Variants in DNM2 observed in about 807,000 individuals in gnomAD.
DNM2 encodes dynamin-2.
DNM2 carries 15 observed loss-of-function variants against 99.0 expected under a neutral mutation model. The ratio of observed to expected loss-of-function variants is 0.15; its 90% CI spans 0.10 to 0.23. DNM2 has a LOEUF of 0.23. DNM2 is among the 10% of genes least tolerant of loss of function. The pLI is 1.00. For missense variants in DNM2, 742 were observed against 1,189.4 expected, an observed-to-expected ratio of 0.62 and a Z score of 5.53; for synonymous variants, 525 against 481.2, an observed-to-expected ratio of 1.09 and a Z score of -1.19.
At chr19:10,827,405 T>C (rs146456743) in intron 18 of DNM2, among the ~76,000 whole-genome samples, 140 of 152,078 alleles carry the variant, frequency 9.2e-4, no homozygotes, top group African/African-American at 3.3e-3. Context: ...TAGACTCTTA[T>C]AAAATAAAAA....
intron 6 of DNM2, 163 bp from the exon 7 acceptor site, chr19:10,786,401 G>A (rs556822396): frequency 1.7e-6 from 2 of 1,147,038 alleles, no homozygotes; most frequent in African/African-American, 1.5e-5. Flanking sequence ...AGACATGAGT[G>A]TGTCTGTGGC....
rs2072876013 is a variant in DNM2 at position 10,818,988 on chromosome 19, TGGGACTCCAGGGTGCCACCCCCA to T, written c.1672-990_1672-968del. 6.6e-6 allele frequency among the ~76,000 whole-genome samples: 1 copy of T among 152,016 alleles called. No homozygotes were observed. The highest frequency in any genetic ancestry group is 1.5e-5 in the Non-Finnish European group (1 of 67,974). On this transcript the variant is annotated intron_variant, in intron 15 of 20. Transcript: ENST00000389253. The surrounding 1 kb of genome is among the most constrained non-coding windows in gnomAD (Gnocchi z 4.3). ...GGGCACACACATCACTGGGTGAGTG[TGGGACTCCAGGGTGCCACCCCCA>T]GCTCCGTGACTCGCCAGCCCCTTGC...
intron 1 of DNM2, among the ~76,000 whole-genome samples, chr19:10,718,868 C>T (rs1029009614): frequency 1.3e-5 from 2 of 152,168 alleles, no homozygotes; most frequent in South Asian, 2.1e-4. Context: ...GTCTCTCTGT[C>T]CTGGGCAAGC....
At chr19:10,786,467 C>A (rs2071562269) in intron 6 of DNM2, 97 bp from the exon 7 acceptor site, 2 of 1,587,500 alleles carry the variant, frequency 1.3e-6, no homozygotes, top group South Asian at 2.2e-5. Context: ...CGCATAGTGG[C>A]ACCCTGGTGT....
rs1599643152 is a variant in DNM2, at chr19:10,830,906, A to G, written c.2544-72A>G. On this transcript the variant is annotated intron_variant, in intron 20 of 20. Transcript: ENST00000389253. The surrounding 1 kb of genome is among the most constrained non-coding windows in gnomAD (Gnocchi z 4.8). ...TGTGTGGGTGGGGGCTGGGTCCTCA[A>G]CCCAGGCCTGCCTCTTGCTCCCGGC... 6.5e-7 allele frequency: 1 copy of G among 1,532,246 alleles called. No individual in the cohort carries two copies. Among genetic ancestry groups the G allele is most frequent in the Non-Finnish European group, 8.8e-7 (1 of 1,133,772 alleles). The allele number at this position is 1,532,246 out of a possible 1,614,324, so 94.9% of individuals were successfully genotyped here. A position where few individuals can be genotyped will look rare whatever the true frequency, so the allele number is the denominator to read the frequency against.
At chr19:10,745,327 G>T (rs2069926056) in intron 1 of DNM2, among the ~76,000 whole-genome samples, 1 of 152,170 alleles carries the variant, frequency 6.6e-6, no homozygotes, top group Non-Finnish European at 1.5e-5. Context: ...CTGCCCTCAG[G>T]GAGTCGGCTG....
rs537744704 is a variant in DNM2, at chr19:10,750,994, C to T, written c.162-8744C>T. On this transcript the variant is annotated intron_variant, in intron 1 of 20. Coordinates refer to ENST00000389253, the MANE Select transcript of DNM2 (RefSeq NM_001005361.3). ...GGGGATGGAATGTTGGAGGATCCCA[C>T]CTTGGGGAGCTGTGTGTGAGCTCCC... 1.9e-4 allele frequency among the ~76,000 whole-genome samples: 29 copies of T among 151,814 alleles called. No homozygotes were observed. In the South Asian group the frequency reaches 5.8e-3, roughly 30 times the overall value.
At chr19:10,762,474 CACT>C (rs1399306516) in intron 2 of DNM2, among the ~76,000 whole-genome samples, 1 of 152,136 alleles carries the variant, frequency 6.6e-6, no homozygotes, top group Non-Finnish European at 1.5e-5. Context: ...GAGGGACCAC[CACT>C]GTGTTTCCTG....
At chr19:10,742,913 CTTTTTTTTTT>C (rs61431112) in intron 1 of DNM2, among the ~76,000 whole-genome samples, 2 of 133,792 alleles carry the variant, frequency 1.5e-5, no homozygotes, top group East Asian at 4.5e-4. Context: ...GTTTTTCTTT[CTTTTTTTTTT>C]TTTTTTTTGA....
Position 10,780,323 on chromosome 19 carries a change from C to G in DNM2, c.689-2637C>G, listed in dbSNP as rs183520745. On this transcript the variant is annotated intron_variant, in intron 5 of 20. Coordinates refer to ENST00000389253, the MANE Select transcript of DNM2 (RefSeq NM_001005361.3). ...AAGCAGACCCTACCCAACCCCACGCCCTACTACAGCCACCCCGACCCGGCT... is the reference window on the plus strand; with the variant it reads ...AAGCAGACCCTACCCAACCCCACGCGCTACTACAGCCACCCCGACCCGGCT... 526 of 152,990 alleles carry G rather than the reference C, an allele frequency of 3.4e-3. 1 individual carries two copies. The highest frequency in any genetic ancestry group is 5.8e-3 in the Middle Eastern group (4 of 692). The allele number at this position is 152,990 out of a possible 1,614,324, so 9.5% of individuals were successfully genotyped here.
intron 1 of DNM2, among the ~76,000 whole-genome samples, chr19:10,742,704 A>G (rs2069799616): frequency 6.6e-6 from 1 of 152,092 alleles, no homozygotes; most frequent in Non-Finnish European, 1.5e-5. Context: ...TGCCTGGCAG[A>G]TGGAGATTAG....
In DNM2 at chr19:10,793,721, A is replaced by G. The variant is rs769556504; in HGVS notation, c.994A>G (p.Met332Val). Residue 332 changes from methionine (M) to valine (V), a missense_variant and splice_region_variant, in exon 8 of 21, where the codon ATG becomes GTG. Around this residue, in one of 7 missense-constraint regions of DNM2, gnomAD observed 14 missense variants for 31.7 expected, o/e 0.44. Coordinates refer to ENST00000389253, the MANE Select transcript of DNM2 (RefSeq NM_001005361.3). ...PTRKTKALLQ[M>V]VQQFGVDFEK... ...CTTGCTTTTTCCTTTTCCTCATAGG[A>G]TGGTCCAGCAGTTTGGGGTGGATTT... 6.2e-6 allele frequency: 10 copies of G among 1,614,120 alleles called. No homozygotes were observed. In the South Asian group the frequency reaches 1.1e-4, roughly 18 times the overall value.
chr19:10,825,446 G>A (rs994673796), intron 18 of DNM2, among the ~76,000 whole-genome samples: 6 of 152,116 alleles, frequency 3.9e-5, no homozygotes, highest in African/African-American at 7.2e-5. Context: ...CAAGGCGGGC[G>A]GATCACGAGC....
chr19:10,743,809 CAAAAAAAA>C (rs35999203), intron 1 of DNM2, among the ~76,000 whole-genome samples: 25 of 32,652 alleles, frequency 7.7e-4, no homozygotes, highest in East Asian at 2.4e-3. Flanking sequence ...GACTCTGTCT[CAAAAAAAA>C]AAAAAAAAAA....
In DNM2 at chr19:10,811,086, A is replaced by T. The variant is rs2072526194; in HGVS notation, c.1558-1178A>T. ...TGTCTGCTCATCCCAGGGAGGGATA[A>T]GTCTGTACCCTTGGCCTTAACAAGG... On this transcript the variant is annotated intron_variant, in intron 14 of 20. Coordinates refer to ENST00000389253, the MANE Select transcript of DNM2 (RefSeq NM_001005361.3). This position sits in a 1 kb window ranked among gnomAD's most constrained non-coding sequence, Gnocchi z 5.4. The T allele has an allele frequency of 6.5e-6, 1 of 153,158 alleles. No homozygotes were observed. The highest frequency in any genetic ancestry group is 6.5e-5 in the Admixed American group (1 of 15,344). 9.5% of individuals were successfully genotyped at this position (153,158 alleles called of 1,614,324 possible).
In DNM2 at chr19:10,808,641, C is replaced by T. The variant is rs943774625; in HGVS notation, c.1557+61C>T. On this transcript the variant is annotated intron_variant, in intron 14 of 20. Transcript: ENST00000389253. ...GAATCTAGTGGTGATGGAGACCCCGCCCACCCCTAATATTCCCTGTTCCCC... is the reference window on the plus strand; with the variant it reads ...GAATCTAGTGGTGATGGAGACCCCGTCCACCCCTAATATTCCCTGTTCCCC... 9.7e-5 allele frequency: 151 copies of T among 1,560,136 alleles called. 2 individuals carry two copies. The highest frequency in any genetic ancestry group is 8.4e-4 in the Middle Eastern group (5 of 5,968).
intron 18 of DNM2, 23 bp from the exon 19 acceptor site, chr19:10,829,013 C>CCCT: frequency 6.2e-7 from 1 of 1,607,326 alleles, no homozygotes; most frequent in Non-Finnish European, 8.5e-7. Flanking sequence ...ACAAGCCTGA[C>CCCT]CCTCCCCAAC....
intron 1 of DNM2, among the ~76,000 whole-genome samples, chr19:10,747,018 T>C (rs939400634): frequency 3.3e-5 from 5 of 151,448 alleles, no homozygotes; most frequent in African/African-American, 1.2e-4. Flanking sequence ...ATTACAGGCA[T>C]GAGCCACCGC....
chr19:10,776,068 G>A (rs937160357), intron 4 of DNM2, among the ~76,000 whole-genome samples, 162 bp downstream of exon 4: 1 of 152,166 alleles, frequency 6.6e-6, no homozygotes, highest in Middle Eastern at 3.2e-3. Context: ...AGCAGTGCTG[G>A]TGGGCATCCC....
Sources: gnomAD v4.1 joint callset for allele counts (sites outside exome capture counted in the v4.1 genomes callset) on GRCh38, gnomAD v4.1.1 for gene constraint, gnomAD v4.1.1 regional missense constraint, Gnocchi (gnomAD v3.1) non-coding constraint, MANE v1.5 for transcripts, NCBI Gene and HGNC (gene_info 2026-07-23, HGNC 2026-07-21) for gene names.